The following KIF26B variants were observed in gnomAD, a reference collection of about 807,000 sequenced individuals.
KIF26B encodes kinesin-like protein KIF26B.
A neutral mutation model predicts 151.2 loss-of-function variants in KIF26B; 63 were observed. The ratio of observed to expected loss-of-function variants is 0.42; its 90% CI spans 0.34 to 0.51. The LOEUF is 0.51. Among genes scored for constraint, KIF26B ranks in the 20% least tolerant of loss-of-function variants. The pLI is 0.07. For missense variants in KIF26B, 2,813 were observed against 2,913.6 expected (o/e 0.97, Z 0.79); for synonymous variants, 1,357 against 1,262.1 (o/e 1.08, Z -1.59).
At chr1:245,531,973 C>T (rs916814911) in intron 4 of KIF26B, among the ~76,000 whole-genome samples, 17 of 152,054 alleles carry the variant, frequency 1.1e-4, no homozygotes, top group African/African-American at 2.7e-4. Context: ...TGATGGGGCA[C>T]ACCTGTAGTC....
At chr1:245,266,200 T>C (rs2941274) in intron 2 of KIF26B, among the ~76,000 whole-genome samples, 54,932 of 152,026 alleles carry the variant, frequency 0.36, 11,526 homozygotes, top group Non-Finnish European at 0.47. Context: ...AAAAGGTACC[T>C]AATCATCAGA....
intron 4 of KIF26B, among the ~76,000 whole-genome samples, chr1:245,470,242 G>T (rs10924202): frequency 6.6e-6 from 1 of 151,786 alleles, no homozygotes; most frequent in Non-Finnish European, 1.5e-5. Flanking sequence ...GCCTGGTAGT[G>T]CTCGTGTGTT....
At chr1:245,469,239 G>A (rs149200457) in intron 4 of KIF26B, among the ~76,000 whole-genome samples, 1 of 152,294 alleles carries the variant, frequency 6.6e-6, no homozygotes, top group Non-Finnish European at 1.5e-5. Context: ...GCGTCACTTG[G>A]GGAGAATGTC....
chr1:245,350,213 C>T (rs905643037), intron 2 of KIF26B, among the ~76,000 whole-genome samples: 2 of 152,198 alleles, frequency 1.3e-5, no homozygotes, highest in Non-Finnish European at 2.9e-5. Context: ...ACCTTCTGTG[C>T]GTAGCAGAGT....
intron 2 of KIF26B, among the ~76,000 whole-genome samples, chr1:245,238,917 C>CA: frequency 6.6e-6 from 1 of 151,898 alleles, no homozygotes; most frequent in Non-Finnish European, 1.5e-5. Context: ...CATATTGCTG[C>CA]AAAAAATTCT....
At chr1:245,336,153 G>T (rs1367513814) in intron 2 of KIF26B, among the ~76,000 whole-genome samples, 2 of 151,346 alleles carry the variant, frequency 1.3e-5, no homozygotes, top group Non-Finnish European at 3.0e-5. Context: ...GTCCCATGCA[G>T]GGAAAGAAGG....
chr1:245,212,138 T>G (rs1669548467), intron 2 of KIF26B, among the ~76,000 whole-genome samples: 1 of 152,120 alleles, frequency 6.6e-6, no homozygotes, highest in African/African-American at 2.4e-5. Flanking sequence ...AAGTGGGCGG[T>G]GGGGCTGGCC....
intron 4 of KIF26B, among the ~76,000 whole-genome samples, chr1:245,474,421 GTT>G (rs148335679): frequency 2.3e-5 from 3 of 133,118 alleles, no homozygotes. Context: ...TTTTGTTGTT[GTT>G]TTTTTTTTTT....
At chr1:245,388,409 C>T (rs746699519) in intron 3 of KIF26B, among the ~76,000 whole-genome samples, 3 of 152,160 alleles carry the variant, frequency 2.0e-5, no homozygotes, top group South Asian at 2.1e-4. Context: ...AAGCAAAAGC[C>T]GCTACTTGCA....
rs1033610881 is a variant in KIF26B, at chr1:245,228,595, C to T, written c.465+71912C>T. ...AAAAAAAAAAACAAAAGGCAGTTTCCGCAGTTGTAAGTAGGACTAGAGGAA... is the reference window on the plus strand; with the variant it reads ...AAAAAAAAAAACAAAAGGCAGTTTCTGCAGTTGTAAGTAGGACTAGAGGAA... On this transcript the variant is annotated intron_variant, in intron 2 of 14. Transcript: ENST00000407071. Among the ~76,000 whole-genome samples the T allele has an allele frequency of 4.6e-5, 7 of 151,898 alleles. No individual in the cohort carries two copies. The East Asian group carries it at 5.8e-4, about 13-fold the overall frequency.
At position 245,698,050 on chromosome 1, in the gene KIF26B, A is replaced by C; in HGVS notation, c.5825-56A>C. 1 of 1,525,958 alleles carries C rather than the reference A, an allele frequency of 6.6e-7. No homozygotes were observed. Among genetic ancestry groups the C allele is most frequent in the Non-Finnish European group, 8.9e-7 (1 of 1,125,752 alleles). 94.5% of individuals were successfully genotyped at this position (1,525,958 alleles called of 1,614,324 possible). Reference sequence around the variant, plus strand: ...GAGCAAGACCCTGTCTCAAAAAAACAACAAAAAAATTGAAATTCAGAAAGA... The same window carrying C: ...GAGCAAGACCCTGTCTCAAAAAAACCACAAAAAAATTGAAATTCAGAAAGA... On this transcript the variant is annotated intron_variant, in intron 12 of 14. Transcript: ENST00000407071. This position sits in a 1 kb window ranked among gnomAD's most constrained non-coding sequence, Gnocchi z 4.0.
intron 5 of KIF26B, among the ~76,000 whole-genome samples, chr1:245,584,765 C>A (rs1439560695): frequency 6.6e-6 from 1 of 152,108 alleles, no homozygotes; most frequent in Admixed American, 6.5e-5. Context: ...AAATATAGAT[C>A]CAGGAGTTGT....
rs138243686 is a variant in KIF26B at position 245,452,258 on chromosome 1, G to A, written c.1166+32513G>A. ...GTTTATCCATGTTGTAGTGTGCATCGGAATTTTATTCCTTTGTATGGCTGA... is the reference window on the plus strand; with the variant it reads ...GTTTATCCATGTTGTAGTGTGCATCAGAATTTTATTCCTTTGTATGGCTGA... On this transcript the variant is annotated intron_variant, in intron 4 of 14. Coordinates refer to ENST00000407071, the MANE Select transcript of KIF26B (RefSeq NM_018012.4). Among the ~76,000 whole-genome samples, 368 of 152,246 alleles carry A rather than the reference G, an allele frequency of 2.4e-3. 4 individuals are homozygous for A. Among genetic ancestry groups the A allele is most frequent in the Middle Eastern group, 0.01 (3 of 294 alleles).
At chr1:245,556,269 C>G (rs890224756) in intron 5 of KIF26B, among the ~76,000 whole-genome samples, 4 of 139,228 alleles carry the variant, frequency 2.9e-5, no homozygotes, top group Admixed American at 7.0e-5. Flanking sequence ...CTCCCTCCTC[C>G]TCCTCTTCTT....
intron 5 of KIF26B, among the ~76,000 whole-genome samples, chr1:245,586,017 C>T (rs2043219994): frequency 6.6e-6 from 1 of 152,094 alleles, no homozygotes. Context: ...TTTTTAGAGA[C>T]AGGGTCTGCC....
intron 6 of KIF26B, among the ~76,000 whole-genome samples, chr1:245,603,145 G>GA (rs5782358): frequency 3.1e-4 from 46 of 148,814 alleles, no homozygotes; most frequent in African/African-American, 1.1e-3. Flanking sequence ...TGTACGAAGG[G>GA]AAAAAAAAAA....
At chr1:245,365,726 C>G (rs1213994488) in intron 2 of KIF26B, among the ~76,000 whole-genome samples, 1 of 152,202 alleles carries the variant, frequency 6.6e-6, no homozygotes, top group Admixed American at 6.5e-5. Context: ...AGCCCACACT[C>G]TCCTATCCCA....
chr1:245,579,549 C>T (rs1329953224), intron 5 of KIF26B, among the ~76,000 whole-genome samples: 12 of 152,024 alleles, frequency 7.9e-5, no homozygotes, highest in Admixed American at 7.9e-4. Flanking sequence ...TGGCTCAACG[C>T]CTGTAATCCC....
chr1:245,606,893 T>C lies in KIF26B; in HGVS notation c.1558-758T>C, dbSNP rs902295515. Among the ~76,000 whole-genome samples the C allele has an allele frequency of 2.0e-5, 3 of 151,654 alleles. No homozygotes were observed. Among genetic ancestry groups the C allele is most frequent in the South Asian group, 2.1e-4 (1 of 4,798 alleles). ...GCCTGACCAACGTGGTGAAACCCCC[T>C]CTCTACTAAAAAAATGCAAAAAATT... On this transcript the variant is annotated intron_variant, in intron 6 of 14. Transcript: ENST00000407071. The surrounding 1 kb of genome is among the most constrained non-coding windows in gnomAD (Gnocchi z 4.6).
Sources: allele counts gnomAD v4.1 joint callset (sites outside exome capture counted in the v4.1 genomes callset), GRCh38; gene constraint gnomAD v4.1.1; non-coding constraint Gnocchi (gnomAD v3.1); transcripts MANE v1.5; gene names NCBI Gene and HGNC (gene_info 2026-07-23, HGNC 2026-07-21).